The following PDE4D variants were observed in gnomAD, a reference collection of about 807,000 sequenced individuals.
The protein encoded by PDE4D is 3',5'-cyclic-AMP phosphodiesterase 4D.
PDE4D carries 24 observed loss-of-function variants against 87.4 expected under a neutral mutation model. The ratio of observed to expected loss-of-function variants is 0.27; its 90% CI spans 0.20 to 0.39. The LOEUF (loss-of-function observed/expected upper bound fraction) is 0.39. Among genes scored for constraint, PDE4D ranks in the 10% least tolerant of loss-of-function variants. PDE4D has a pLI of 1.00. For synonymous variants in PDE4D, 384 were observed against 383.2 expected (o/e 1.00, Z -0.02); for missense variants, 714 against 1,041.0 (o/e 0.69, Z 4.32).
rs1032613233 is a variant in PDE4D at position 59,167,882 on chromosome 5, T to C, written c.808+12713A>G. 3.9e-5 allele frequency among the ~76,000 whole-genome samples: 6 copies of C among 152,032 alleles called. No homozygotes were observed. In the East Asian group the frequency reaches 5.8e-4, roughly 15 times the overall value. ...AGCCTTTCACATACTAGGGACTAAA[T>C]GAGTAAAAGCAAAGCCAGGAAGAGG... On this transcript the variant is annotated intron_variant, in intron 5 of 14. Coordinates refer to ENST00000340635, the MANE Select transcript of PDE4D (RefSeq NM_001104631.2).
intron 5 of PDE4D, among the ~76,000 whole-genome samples, chr5:59,111,608 G>A (rs901063793): frequency 6.6e-6 from 1 of 152,202 alleles, no homozygotes; most frequent in African/African-American, 2.4e-5. Flanking sequence ...CTGATAAAGT[G>A]TGGGATGTTT....
intron 1 of PDE4D, among the ~76,000 whole-genome samples, chr5:59,891,785 G>GCA (rs905733153): frequency 5.0e-4 from 33 of 66,430 alleles, no homozygotes; most frequent in Admixed American, 4.1e-3. Context: ...AGAGAGACAT[G>GCA]CTCACACACA....
At chr5:59,792,167 C>G (rs1376811412) in intron 1 of PDE4D, among the ~76,000 whole-genome samples, 1 of 151,952 alleles carries the variant, frequency 6.6e-6, no homozygotes, top group African/African-American at 2.4e-5. Flanking sequence ...GGGGAGGAAA[C>G]GTGGCACAGA....
chr5:60,211,043 G>A (rs900737922), intron 1 of PDE4D, among the ~76,000 whole-genome samples: 6 of 152,144 alleles, frequency 3.9e-5, no homozygotes, highest in African/African-American at 1.4e-4. Context: ...GACAGGAGCC[G>A]GCCAAGCCCC....
chr5:59,562,355 G>A (rs1433753339), intron 1 of PDE4D, among the ~76,000 whole-genome samples: 1 of 152,018 alleles, frequency 6.6e-6, no homozygotes, highest in Non-Finnish European at 1.5e-5. Context: ...ATACAAATAA[G>A]CTCTTTATAA....
chr5:59,014,889 TA>T (rs1753650053), intron 6 of PDE4D, among the ~76,000 whole-genome samples: 1 of 152,146 alleles, frequency 6.6e-6, no homozygotes, highest in Non-Finnish European at 1.5e-5. Context: ...AAGGCTACAG[TA>T]ACCAAAATAG....
intron 1 of PDE4D, among the ~76,000 whole-genome samples, chr5:59,754,282 A>G (rs1760898142): frequency 6.6e-6 from 1 of 152,186 alleles, no homozygotes; most frequent in Admixed American, 6.5e-5. Flanking sequence ...GTGAGCTGAG[A>G]TCGTGCCACT....
chr5:60,173,843 C>A (rs1783690902), intron 2 of PDE4D, among the ~76,000 whole-genome samples: 1 of 152,036 alleles, frequency 6.6e-6, no homozygotes, highest in Admixed American at 6.6e-5. Context: ...AAAGGGAAGT[C>A]AAGCTGAGAT....
At position 59,614,957 on chromosome 5, in the gene PDE4D, G is replaced by A. The variant is rs191348549; in HGVS notation, c.455+278211C>T. ...CAATTCTCAGGCCTCAGCCTCCTGAGTAGCTGAGACTACAGGCACGCACTA... is the reference window on the plus strand; with the variant it reads ...CAATTCTCAGGCCTCAGCCTCCTGAATAGCTGAGACTACAGGCACGCACTA... On this transcript the variant is annotated intron_variant, in intron 1 of 14. Coordinates refer to ENST00000340635, the MANE Select transcript of PDE4D (RefSeq NM_001104631.2). Among the ~76,000 whole-genome samples the A allele has an allele frequency of 2.9e-3, 439 of 151,932 alleles. 6 individuals are homozygous for A. The highest frequency in any genetic ancestry group is 9.6e-4 in the Non-Finnish European group (65 of 67,980).
chr5:59,943,769 G>A (rs973582839), intron 3 of PDE4D, among the ~76,000 whole-genome samples: 1 of 152,070 alleles, frequency 6.6e-6, no homozygotes, highest in African/African-American at 2.4e-5. Flanking sequence ...TGTTCCAATT[G>A]TTCCCTGCCC....
At chr5:60,226,300 C>T (rs1330175224) in intron 1 of PDE4D, among the ~76,000 whole-genome samples, 1 of 152,008 alleles carries the variant, frequency 6.6e-6, no homozygotes, top group African/African-American at 2.4e-5. Context: ...GGTTAACTTC[C>T]TAATTCCCAG....
chr5:59,902,942 C>T (rs1752427955), intron 3 of PDE4D, among the ~76,000 whole-genome samples: 1 of 152,172 alleles, frequency 6.6e-6, no homozygotes, highest in Non-Finnish European at 1.5e-5. Flanking sequence ...ATTCATCCTC[C>T]TCTCAAAGTT....
chr5:59,623,572 C>A (rs1018393120), intron 1 of PDE4D, among the ~76,000 whole-genome samples: 2 of 152,138 alleles, frequency 1.3e-5, no homozygotes, highest in Non-Finnish European at 2.9e-5. Flanking sequence ...ATCTTCCTAT[C>A]ACTTAAACTT....
intron 1 of PDE4D, among the ~76,000 whole-genome samples, chr5:60,431,948 C>G (rs1171302444): frequency 2.0e-5 from 3 of 152,252 alleles, no homozygotes; most frequent in Non-Finnish European, 4.4e-5. Context: ...CGGCGCAGGC[C>G]TGCAATCGCA....
chr5:59,724,374 A>G lies in PDE4D; in HGVS notation c.455+168794T>C, dbSNP rs190666717. 3.1e-3 allele frequency among the ~76,000 whole-genome samples: 464 copies of G among 151,966 alleles called. 2 individuals carry two copies. Among genetic ancestry groups the G allele is most frequent in the African/African-American group, 0.011 (453 of 41,462 alleles). Reference sequence around the variant, plus strand: ...ATTTATTTTTTCCTTTCCAACCTTTATTTTAGGTTTAGAGGGAACATAAGC... The same window carrying G: ...ATTTATTTTTTCCTTTCCAACCTTTGTTTTAGGTTTAGAGGGAACATAAGC... On this transcript the variant is annotated intron_variant, in intron 1 of 14. Transcript: ENST00000340635.
Position 60,391,688 on chromosome 5 carries a change from C to T in PDE4D, c.-90+96254G>A, listed in dbSNP as rs1762570905. Reference sequence around the variant, plus strand: ...GCCCACCAGGATAATCCAGGATAATCTCCCTATTATAAGATCATCTGATTA... The same window carrying T: ...GCCCACCAGGATAATCCAGGATAATTTCCCTATTATAAGATCATCTGATTA... On this transcript the variant is annotated intron_variant, in intron 1 of 16. Transcript: ENST00000502484. 1.3e-5 allele frequency among the ~76,000 whole-genome samples: 2 copies of T among 152,156 alleles called. 1 individual carries two copies. Among genetic ancestry groups the T allele is most frequent in the South Asian group, 4.1e-4 (2 of 4,832 alleles).
chr5:60,074,995 A>G (rs1211627673), intron 2 of PDE4D, among the ~76,000 whole-genome samples: 3 of 152,078 alleles, frequency 2.0e-5, no homozygotes, highest in Non-Finnish European at 4.4e-5. Context: ...AGCATTTAGG[A>G]CATTTACCTT....
chr5:59,644,051 T>C (rs919071077), intron 1 of PDE4D, among the ~76,000 whole-genome samples: 1 of 152,170 alleles, frequency 6.6e-6, no homozygotes, highest in African/African-American at 2.4e-5. Flanking sequence ...TTGGTTTAGA[T>C]GAACATTAAG....
chr5:59,671,057 G>C (rs1462754238), intron 1 of PDE4D, among the ~76,000 whole-genome samples: 1 of 152,158 alleles, frequency 6.6e-6, no homozygotes, highest in Non-Finnish European at 1.5e-5. Flanking sequence ...TGTTTCCATA[G>C]GTAGAGTAGA....
Sources: allele counts gnomAD v4.1 joint callset (sites outside exome capture counted in the v4.1 genomes callset), GRCh38; gene constraint gnomAD v4.1.1; transcripts MANE v1.5; gene names NCBI Gene and HGNC (gene_info 2026-07-23, HGNC 2026-07-21).